SGPP1: variants seen among roughly 807,000 people sequenced by gnomAD.
SGPP1 encodes hSPP1.
SGPP1 carries 21 observed loss-of-function variants against 33.0 expected under a neutral mutation model. The observed-to-expected ratio is 0.64, with a 90% CI of 0.45 to 0.92. SGPP1 has a LOEUF of 0.92. Among genes scored for constraint, SGPP1 ranks in the 40% least tolerant of loss-of-function variants. The pLI, the probability that SGPP1 is intolerant of heterozygous loss-of-function variation, is 0.00. For synonymous variants in SGPP1, 239 were observed against 241.2 expected (o/e 0.99, Z 0.08); for missense variants, 543 against 589.4 (o/e 0.92, Z 0.81).
chr14:63,695,567 T>C (rs1195263802), intron 2 of SGPP1, among the ~76,000 whole-genome samples: 3 of 152,220 alleles, frequency 2.0e-5, no homozygotes, highest in East Asian at 1.9e-4. Flanking sequence ...GTAAAAATTA[T>C]AGATAAACAA....
intron 1 of SGPP1, among the ~76,000 whole-genome samples, chr14:63,717,183 T>C (rs536632937): frequency 6.8e-6 from 1 of 148,040 alleles, no homozygotes; most frequent in Non-Finnish European, 1.5e-5. Context: ...AACAGGTAAG[T>C]GAACTTAAAG....
chr14:63,696,713 C>A (rs1885194433), intron 2 of SGPP1, among the ~76,000 whole-genome samples: 1 of 152,074 alleles, frequency 6.6e-6, no homozygotes, highest in African/African-American at 2.4e-5. Context: ...GGGCTGGGCG[C>A]AGTGGCTCAC....
intron 1 of SGPP1, among the ~76,000 whole-genome samples, chr14:63,707,458 G>A (rs146777119): frequency 6.6e-6 from 1 of 152,100 alleles, no homozygotes; most frequent in East Asian, 1.9e-4. Flanking sequence ...AGAAATTCCT[G>A]ATTGCCTCTC....
chr14:63,687,674 T>C (rs896619678), intron 2 of SGPP1, among the ~76,000 whole-genome samples: 8 of 152,138 alleles, frequency 5.3e-5, no homozygotes, highest in Non-Finnish European at 7.4e-5. Context: ...GCAAAGGCTT[T>C]TGTAGGCTAG....
At chr14:63,702,666 C>T (rs1005575457) in intron 1 of SGPP1, among the ~76,000 whole-genome samples, 6 of 151,954 alleles carry the variant, frequency 3.9e-5, no homozygotes, top group Non-Finnish European at 8.8e-5. Flanking sequence ...GCCGAGATTG[C>T]GCCACTGCAC....
chr14:63,686,235 C>T lies in SGPP1; in HGVS notation c.1196G>A (p.Cys399Tyr), dbSNP rs1884970511. 7.4e-6 allele frequency: 12 copies of T among 1,614,110 alleles called. No homozygotes were observed. The highest frequency in any genetic ancestry group is 1.0e-5 in the Non-Finnish European group (12 of 1,180,006). The stretch of plus-strand genomic sequence containing the variant: ...CTGTCTTGCTTTTCGAATATCATCA[C>T]ACGGTATATTGAAGATTTTGCAGGC... ...PLACKIFNIP[C>Y]DDIRKARQHM... The change falls in exon 3 of 3, where the codon TGT (cysteine) becomes TAT (tyrosine). Residue 399 changes from cysteine (C) to tyrosine (Y), a missense_variant. Cys to Tyr is a radical substitution (Grantham distance 194). Coordinates refer to ENST00000247225, the MANE Select transcript of SGPP1 (RefSeq NM_030791.4).
intron 1 of SGPP1, among the ~76,000 whole-genome samples, chr14:63,719,014 ATTTTTTTTTTTTT>A (rs1163496718): frequency 5.1e-5 from 1 of 19,424 alleles, no homozygotes; most frequent in African/African-American, 2.3e-4. Flanking sequence ...ATATATATAT[ATTTTTTTTTTTTT>A]TTTTTTTTTT....
intron 1 of SGPP1, among the ~76,000 whole-genome samples, chr14:63,716,365 G>A (rs953559089): frequency 1.3e-5 from 2 of 151,892 alleles, no homozygotes; most frequent in Non-Finnish European, 1.5e-5. Flanking sequence ...GTGGTGGCGA[G>A]CGCCTGTAAT....
At chr14:63,705,260 A>C (rs1885385446) in intron 1 of SGPP1, among the ~76,000 whole-genome samples, 1 of 147,202 alleles carries the variant, frequency 6.8e-6, no homozygotes, top group South Asian at 2.3e-4. Flanking sequence ...AGTATGCAGA[A>C]TTTGTAAAGA....
chr14:63,702,421 T>G lies in SGPP1; in HGVS notation c.685-3763A>C, dbSNP rs755770717. Among the ~76,000 whole-genome samples the G allele has an allele frequency of 3.9e-5, 6 of 152,134 alleles. No homozygotes were observed. The East Asian group carries it at 7.7e-4, about 20-fold the overall frequency. On this transcript the variant is annotated intron_variant, in intron 1 of 2. Coordinates refer to ENST00000247225, the MANE Select transcript of SGPP1 (RefSeq NM_030791.4). ...GATTTTTTTATGGAAAAAAAATATT[T>G]TGGGGCCAAGCATGGTGGCTCATGC... is the stretch of plus-strand genomic sequence containing the variant.
intron 1 of SGPP1, among the ~76,000 whole-genome samples, chr14:63,707,423 G>A (rs982241699): frequency 2.0e-5 from 3 of 152,048 alleles, no homozygotes; most frequent in Non-Finnish European, 4.4e-5. Context: ...CTACAGGCAG[G>A]CCCCAGCATT....
chr14:63,711,659 A>G (rs1595069277), intron 1 of SGPP1, among the ~76,000 whole-genome samples: 1 of 152,272 alleles, frequency 6.6e-6, no homozygotes, highest in East Asian at 1.9e-4. Context: ...TGCTTTACTC[A>G]AAGTCCACTG....
intron 1 of SGPP1, among the ~76,000 whole-genome samples, chr14:63,723,494 G>A (rs530167394): frequency 2.6e-5 from 4 of 152,280 alleles, no homozygotes; most frequent in Admixed American, 2.6e-4. Flanking sequence ...GCTGAGGGGA[G>A]TGGATCACGA....
chr14:63,686,344 C>G lies in SGPP1; in HGVS notation c.1087G>C (p.Gly363Arg). The G allele has an allele frequency of 6.2e-7, 1 of 1,613,920 alleles. No homozygotes were observed. Among genetic ancestry groups the G allele is most frequent in the Non-Finnish European group, 8.5e-7 (1 of 1,179,882 alleles). The change falls in exon 3 of 3, where the codon GGA becomes CGA. Residue 363 changes from glycine to arginine, a missense_variant. Physicochemically the swap from Gly to Arg is moderately radical, Grantham distance 125. Transcript: ENST00000247225. ...AGPPITVTLF[G>R]KAILRILIGM... ...ATGAGGATCCGCAATATGGCTTTTC[C>G]AAACAGAGTCACAGTAATGGGGGGC... is the stretch of plus-strand genomic sequence containing the variant.
intron 1 of SGPP1, among the ~76,000 whole-genome samples, chr14:63,725,446 T>C (rs1195471100): frequency 2.0e-5 from 3 of 152,194 alleles, no homozygotes; most frequent in African/African-American, 4.8e-5. Context: ...ATAAGAAATT[T>C]AAAGCATTAC....
intron 1 of SGPP1, among the ~76,000 whole-genome samples, chr14:63,713,128 T>C (rs1020621304): frequency 3.9e-5 from 6 of 152,108 alleles, no homozygotes; most frequent in Non-Finnish European, 1.5e-5. Flanking sequence ...TCTTCATGTA[T>C]AGAACCATCT....
At chr14:63,720,453 T>G (rs138822418) in intron 1 of SGPP1, among the ~76,000 whole-genome samples, 401 of 151,958 alleles carry the variant, frequency 2.6e-3, no homozygotes, top group African/African-American at 9.4e-3. Flanking sequence ...TATATTACCT[T>G]GTGTATGAAT....
At chr14:63,700,852 TCCTATAGATGTGA>T (rs1885282601) in intron 1 of SGPP1, among the ~76,000 whole-genome samples, 1 of 152,140 alleles carries the variant, frequency 6.6e-6, no homozygotes, top group South Asian at 2.1e-4. Flanking sequence ...ACTCTCTCTT[TCCTATAGATGTGA>T]CCCTGGGAAA....
chr14:63,686,187 T>C lies in SGPP1; in HGVS notation c.1244A>G (p.Tyr415Cys). 1.2e-6 allele frequency: 2 copies of C among 1,613,696 alleles called. No individual in the cohort carries two copies. The highest frequency in any genetic ancestry group is 1.1e-5 in the South Asian group (1 of 91,074). ...ARQHMEVELP[Y>C]RYITYGMVGF... is the part of the protein sequence containing the mutation. ...AACCATTCCATAGGTAATATACCGA[T>C]AAGGAAGTTCAACTTCCATGTGCTG... is the stretch of plus-strand genomic sequence containing the variant. Residue 415 changes from tyrosine to cysteine, a missense_variant, in exon 3 of 3, where the codon TAT becomes TGT. Transcript: ENST00000247225.
Sources: gnomAD v4.1 joint callset for allele counts (sites outside exome capture counted in the v4.1 genomes callset) on GRCh38, gnomAD v4.1.1 for gene constraint, MANE v1.5 for transcripts, NCBI Gene and HGNC (gene_info 2026-07-23, HGNC 2026-07-21) for gene names.